Variants in PDE8B observed in about 807,000 individuals in gnomAD.
PDE8B encodes the protein high affinity cAMP-specific and IBMX-insensitive 3',5'-cyclic phosphodiesterase 8B.
A neutral mutation model predicts 101.3 loss-of-function variants in PDE8B; 26 were observed. The observed-to-expected ratio is 0.26, with a 90% CI of 0.19 to 0.36. The LOEUF (loss-of-function observed/expected upper bound fraction) is 0.36, where lower values mean the gene tolerates loss of function less well. Among genes scored for constraint, PDE8B ranks in the 10% least tolerant of loss-of-function variants. PDE8B has a pLI of 1.00. For synonymous variants in PDE8B, 424 were observed against 429.3 expected (o/e 0.99, Z 0.15); for missense variants, 810 against 1,163.1 (o/e 0.70, Z 4.42).
At chr5:77,172,444 T>G in the PDE8B span, among the ~76,000 whole-genome samples, 2 of 152,258 alleles carry the variant, frequency 1.3e-5, no homozygotes, top group Admixed American at 6.5e-5. Context: ...TTGTTAATTC[T>G]GCTTCTAGTA....
the PDE8B span, among the ~76,000 whole-genome samples, chr5:77,163,827 C>T: frequency 6.6e-6 from 1 of 152,242 alleles, no homozygotes; most frequent in Non-Finnish European, 1.5e-5. Context: ...TGTAGAGTCA[C>T]AGTTTAAGAA....
chr5:77,298,378 G>T (rs1247676557), intron 1 of PDE8B, among the ~76,000 whole-genome samples: 1 of 152,170 alleles, frequency 6.6e-6, no homozygotes, highest in Non-Finnish European at 1.5e-5. Flanking sequence ...TCTTGAAATT[G>T]TGACGGTTTG....
chr5:77,411,855 T>A (rs1794633206), intron 15 of PDE8B, 134 bp downstream of exon 15: 1 of 779,028 alleles, frequency 1.3e-6, no homozygotes, highest in Non-Finnish European at 2.2e-6. Context: ...ATGGTCTACA[T>A]TTAAAACTAG....
chr5:77,103,952 A>T, the PDE8B span, among the ~76,000 whole-genome samples: 5 of 152,106 alleles, frequency 3.3e-5, no homozygotes, highest in African/African-American at 1.2e-4. Context: ...AGTCATCAAT[A>T]AAAAAAATAA....
At chr5:77,142,839 A>G in the PDE8B span, among the ~76,000 whole-genome samples, 2 of 151,744 alleles carry the variant, frequency 1.3e-5, no homozygotes, top group African/African-American at 4.8e-5. Context: ...TAAGTAAGCT[A>G]CTCATTTAAA....
intron 9 of PDE8B, among the ~76,000 whole-genome samples, 160 bp downstream of exon 9, chr5:77,351,313 A>G (rs566936831): frequency 2.5e-4 from 38 of 152,194 alleles, no homozygotes; most frequent in African/African-American, 8.7e-4. Flanking sequence ...GCCGGCAGCA[A>G]CCCCCAAACA....
At chr5:77,104,586 C>T in the PDE8B span, 2 of 152,100 alleles carry the variant, frequency 1.3e-5, no homozygotes, top group Non-Finnish European at 2.9e-5. Flanking sequence ...AAGCAGAGAC[C>T]AGCTCTCACC....
At chr5:77,131,866 A>T in the PDE8B span, among the ~76,000 whole-genome samples, 51 of 152,310 alleles carry the variant, frequency 3.3e-4, no homozygotes, top group Non-Finnish European at 1.5e-5. Flanking sequence ...GGTCCATTCA[A>T]CAAACAGTCC....
At chr5:77,101,879 G>T in the PDE8B span, among the ~76,000 whole-genome samples, 1 of 152,074 alleles carries the variant, frequency 6.6e-6, no homozygotes, top group Non-Finnish European at 1.5e-5. Flanking sequence ...GGGAGAGATG[G>T]GGAGTCATTG....
rs1796277859 is a variant in PDE8B, at chr5:77,419,876, A to G, written c.2239A>G (p.Met747Val). The G allele has an allele frequency of 4.3e-6, 7 of 1,614,050 alleles. No individual in the cohort carries two copies. The highest frequency in any genetic ancestry group is 4.5e-5 in the East Asian group (2 of 44,880). Residue 747 changes from methionine to valine, a missense_variant, in exon 19 of 22, where the codon ATG becomes GTG. Physicochemically the swap from Met to Val is conservative, Grantham distance 21. Transcript: ENST00000264917. ...GTTTGTGAACAGCATCAACAAGCCA[A>G]TGGCAGCTGAGGTGAGTACTGCTTT... ...NKFVNSINKP[M>V]AAEIEGSDCE... is the part of the protein sequence containing the mutation.
chr5:77,139,122 T>G, the PDE8B span: 1 of 152,222 alleles, frequency 6.6e-6, no homozygotes. Context: ...CCCAGCACAT[T>G]AAGTTAGAAC....
At chr5:77,130,165 T>C in the PDE8B span, among the ~76,000 whole-genome samples, 3 of 152,008 alleles carry the variant, frequency 2.0e-5, no homozygotes, top group Non-Finnish European at 4.4e-5. Flanking sequence ...GGAGGGGAAC[T>C]AACAGATAGG....
the PDE8B span, among the ~76,000 whole-genome samples, chr5:77,116,533 C>T: frequency 2.6e-5 from 4 of 152,266 alleles, no homozygotes; most frequent in East Asian, 3.9e-4. Context: ...TAAGCCACCA[C>T]GCCCAGCCTC....
chr5:77,116,956 C>T, the PDE8B span, among the ~76,000 whole-genome samples: 12 of 152,192 alleles, frequency 7.9e-5, no homozygotes, highest in South Asian at 2.1e-4. Context: ...TGCCCTTTCC[C>T]CCCAGGCTCT....
chr5:77,099,055 T>G, the PDE8B span, among the ~76,000 whole-genome samples: 1 of 152,238 alleles, frequency 6.6e-6, no homozygotes, highest in Non-Finnish European at 1.5e-5. Flanking sequence ...CTGCCATTTA[T>G]TATTAGAAAA....
chr5:77,366,290 C>T (rs1343074135), intron 10 of PDE8B, among the ~76,000 whole-genome samples: 1 of 152,138 alleles, frequency 6.6e-6, no homozygotes, highest in Non-Finnish European at 1.5e-5. Context: ...ACCACCAAAA[C>T]TCCAAGTCTT....
At chr5:77,141,285 G>A in the PDE8B span, 1 of 152,102 alleles carries the variant, frequency 6.6e-6, no homozygotes, top group African/African-American at 2.4e-5. Context: ...CTATAAACAA[G>A]GTAGATTTAA....
chr5:77,199,839 G>A, the PDE8B span, among the ~76,000 whole-genome samples: 23 of 152,222 alleles, frequency 1.5e-4, no homozygotes, highest in African/African-American at 5.3e-4. Flanking sequence ...CCTCCGAAGT[G>A]GCAGCCATTG....
At chr5:77,393,901 CT>C (rs1790473959) in intron 10 of PDE8B, among the ~76,000 whole-genome samples, 1 of 152,196 alleles carries the variant, frequency 6.6e-6, no homozygotes, top group South Asian at 2.1e-4. Flanking sequence ...CCAAGTTAGT[CT>C]TTCCAAAGGA....
Sources: allele counts gnomAD v4.1 joint callset (sites outside exome capture counted in the v4.1 genomes callset), GRCh38; gene constraint gnomAD v4.1.1; transcripts MANE v1.5; gene names NCBI Gene and HGNC (gene_info 2026-07-23, HGNC 2026-07-21).